Variants in CDH12 observed in about 807,000 individuals in gnomAD.
CDH12 encodes cadherin-12.
Under a neutral mutation model 74.1 loss-of-function variants are expected in CDH12, and 41 were observed. The ratio of observed to expected loss-of-function variants is 0.55; its 90% CI spans 0.43 to 0.72. CDH12 has a LOEUF of 0.72. Among genes scored for constraint, CDH12 ranks in the 30% least tolerant of loss-of-function variants. The probability of loss-of-function intolerance (pLI) is 0.00; values close to 1 mark genes in which losing one functional copy is unlikely to be tolerated. For synonymous variants in CDH12, 399 were observed against 355.0 expected (o/e 1.12, Z -1.39); for missense variants, 945 against 977.2 (o/e 0.97, Z 0.44).
Position 21,751,782 on chromosome 5 carries a change from G to T in CDH12, c.2340C>A (p.Asp780Glu). The change falls in exon 15 of 15, where the codon GAC becomes GAA. Residue 780 changes from aspartate to glutamate, a missense_variant. By Grantham distance (45) the Asp-to-Glu change is conservative (BLOSUM62 2). Around this residue, in one of 3 missense-constraint regions of CDH12, gnomAD observed 791 missense variants for 792.8 expected, o/e 1.00. Coordinates refer to ENST00000382254, the MANE Select transcript of CDH12 (RefSeq NM_004061.5). ...TATAACTCTCTTCTTCGCCAAACAT[G>T]TCTGCCAAGACTTTAAAGCGGGGTC... is the stretch of plus-strand genomic sequence containing the variant. ...DWGPRFKVLA[D>E]MFGEEESYNP... 6.2e-7 allele frequency: 1 copy of T among 1,613,992 alleles called. No individual in the cohort carries two copies. Among genetic ancestry groups the T allele is most frequent in the African/African-American group, 1.3e-5 (1 of 75,006 alleles).
chr5:22,826,050 C>T (rs924705237), intron 1 of CDH12, among the ~76,000 whole-genome samples: 3 of 152,138 alleles, frequency 2.0e-5, no homozygotes, highest in East Asian at 1.9e-4. Context: ...ACATAGTCAA[C>T]TCAGGAAGTG....
intron 3 of CDH12, among the ~76,000 whole-genome samples, chr5:22,311,742 T>C (rs1025190020): frequency 1.6e-4 from 24 of 149,254 alleles, no homozygotes; most frequent in Non-Finnish European, 3.0e-4. Context: ...TGGGCATGGG[T>C]ACATGGTTGT....
chr5:22,367,138 TTTTAATC>T (rs970444953), intron 3 of CDH12, among the ~76,000 whole-genome samples: 3 of 152,160 alleles, frequency 2.0e-5, no homozygotes, highest in African/African-American at 7.2e-5. Context: ...TTAATTCTCT[TTTTAATC>T]TTTAGACAGT....
rs556228456 is a variant in CDH12 at position 21,780,980 on chromosome 5, G to T, written c.1393+2378C>A. ...TGGGGAAAACAAAGAGAATGAGGAT[G>T]GGAGCCCTTCAAGAAGGGGAGACTG... On this transcript the variant is annotated intron_variant, in intron 11 of 14. Coordinates refer to ENST00000382254, the MANE Select transcript of CDH12 (RefSeq NM_004061.5). 2.6e-5 allele frequency among the ~76,000 whole-genome samples: 4 copies of T among 152,212 alleles called. No homozygotes were observed. The South Asian group carries it at 8.3e-4, about 32-fold the overall frequency.
chr5:22,834,931 T>C (rs781345258), intron 1 of CDH12, among the ~76,000 whole-genome samples: 16 of 151,496 alleles, frequency 1.1e-4, no homozygotes, highest in African/African-American at 2.7e-4. Context: ...GAGAGGGAGA[T>C]CAAAAGAGGG....
At chr5:21,871,304 T>C (rs1484326029) in intron 6 of CDH12, among the ~76,000 whole-genome samples, 10 of 152,178 alleles carry the variant, frequency 6.6e-5, no homozygotes, top group Non-Finnish European at 2.9e-5. Flanking sequence ...TATCTTTGCT[T>C]TAGTTCCCTC....
chr5:22,009,952 A>G (rs1415573084), intron 5 of CDH12, among the ~76,000 whole-genome samples: 3 of 151,084 alleles, frequency 2.0e-5, no homozygotes, highest in East Asian at 1.9e-4. Context: ...AAAAAAAAAA[A>G]AAAAAAAGAA....
At chr5:22,750,295 T>C (rs1012602064) in intron 1 of CDH12, among the ~76,000 whole-genome samples, 3 of 152,108 alleles carry the variant, frequency 2.0e-5, no homozygotes, top group African/African-American at 7.2e-5. Context: ...GAGCCTTGAA[T>C]ATCATGTTGA....
At chr5:22,171,726 A>G (rs1303602023) in intron 4 of CDH12, among the ~76,000 whole-genome samples, 1 of 151,988 alleles carries the variant, frequency 6.6e-6, no homozygotes, top group East Asian at 1.9e-4. Context: ...ACTGGCTTCA[A>G]ACCACTCATG....
rs1553997533 is a variant in CDH12 at position 22,743,273 on chromosome 5, T to TACATAC, written c.-523+109784_-523+109785insGTATGT. 2.4e-4 allele frequency among the ~76,000 whole-genome samples: 35 copies of TACATAC among 144,806 alleles called. 1 individual carries two copies. Among genetic ancestry groups the TACATAC allele is most frequent in the Admixed American group, 1.8e-3 (26 of 14,370 alleles). The allele number at this position is 144,806 out of a possible 152,430, so 95.0% of individuals were successfully genotyped here. A position where few individuals can be genotyped will look rare whatever the true frequency, so the allele number is the denominator to read the frequency against. The stretch of plus-strand genomic sequence containing the variant: ...ATAGCATGGAGATTATATATATATA[T>TACATAC]ATATATATGTATATATATGTATATG... On this transcript the variant is annotated intron_variant, in intron 1 of 14. Coordinates refer to ENST00000382254, the MANE Select transcript of CDH12 (RefSeq NM_004061.5).
At chr5:22,624,447 C>T (rs187920550) in intron 1 of CDH12, among the ~76,000 whole-genome samples, 245 of 152,130 alleles carry the variant, frequency 1.6e-3, no homozygotes, top group Middle Eastern at 6.8e-3. Context: ...ACAAAGAACT[C>T]AAACAAATTT....
intron 4 of CDH12, among the ~76,000 whole-genome samples, chr5:22,129,480 TGG>T (rs533271268): frequency 1.3e-3 from 205 of 152,290 alleles, no homozygotes; most frequent in African/African-American, 4.5e-3. Flanking sequence ...GGGCAAGCTC[TGG>T]GCAAAATGAT....
chr5:22,830,860 A>G (rs1736572876), intron 1 of CDH12, among the ~76,000 whole-genome samples: 1 of 151,714 alleles, frequency 6.6e-6, no homozygotes, highest in African/African-American at 2.4e-5. Flanking sequence ...AATCATTATT[A>G]CATAATATAT....
At chr5:22,105,238 T>C (rs1744362049) in intron 4 of CDH12, among the ~76,000 whole-genome samples, 2 of 148,394 alleles carry the variant, frequency 1.3e-5, no homozygotes, top group Admixed American at 6.8e-5. Context: ...ATTACAGGCA[T>C]GCACCAGCAC....
At chr5:22,687,306 G>T (rs1035438568) in intron 1 of CDH12, among the ~76,000 whole-genome samples, 12 of 151,838 alleles carry the variant, frequency 7.9e-5, no homozygotes, top group African/African-American at 1.4e-4. Flanking sequence ...AAAAAAGAAA[G>T]AAATAAAAAA....
chr5:22,301,817 C>T (rs536337110), intron 3 of CDH12, among the ~76,000 whole-genome samples: 7 of 151,502 alleles, frequency 4.6e-5, no homozygotes, highest in Middle Eastern at 3.4e-3. Flanking sequence ...TTTATTTATT[C>T]ATTCATTCAT....
At chr5:22,431,971 T>C (rs1744191102) in intron 2 of CDH12, among the ~76,000 whole-genome samples, 1 of 152,130 alleles carries the variant, frequency 6.6e-6, no homozygotes, top group Non-Finnish European at 1.5e-5. Flanking sequence ...TTGGTGTTCA[T>C]CAAGTTTACA....
intron 2 of CDH12, among the ~76,000 whole-genome samples, chr5:22,482,950 G>T (rs1229517786): frequency 1.3e-5 from 2 of 152,092 alleles, no homozygotes; most frequent in Admixed American, 1.3e-4. Context: ...ACAATGCAAT[G>T]CTTCATTTGC....
intron 3 of CDH12, among the ~76,000 whole-genome samples, chr5:22,281,183 C>G (rs547953810): frequency 6.6e-6 from 1 of 152,216 alleles, no homozygotes; most frequent in African/African-American, 2.4e-5. Context: ...GCCCTTCATG[C>G]TAAAAACTCT....
Sources: allele counts gnomAD v4.1 joint callset (sites outside exome capture counted in the v4.1 genomes callset), GRCh38; gene constraint gnomAD v4.1.1; regional missense constraint gnomAD v4.1.1; transcripts MANE v1.5; gene names NCBI Gene and HGNC (gene_info 2026-07-23, HGNC 2026-07-21).